The following PDLIM5 variants were observed in gnomAD, a reference collection of about 807,000 sequenced individuals.
The protein encoded by PDLIM5 is PDZ and LIM domain 5.
PDLIM5 carries 34 observed loss-of-function variants against 64.2 expected under a neutral mutation model. The observed-to-expected ratio is 0.53, with a 90% confidence interval of 0.40 to 0.71. PDLIM5 has a LOEUF of 0.71. Ranked by LOEUF, PDLIM5 falls within the 30% of genes least tolerant of loss-of-function variation. PDLIM5 has a pLI of 0.00. For missense variants in PDLIM5, 683 were observed against 733.6 expected (o/e 0.93, Z 0.80); for synonymous variants, 253 against 269.1 (o/e 0.94, Z 0.59).
chr4:94,479,066 A>ATT (rs112486020), intron 2 of PDLIM5, among the ~76,000 whole-genome samples: 13 of 144,196 alleles, frequency 9.0e-5, no homozygotes, highest in Middle Eastern at 3.3e-3. Context: ...GGGCTGGATA[A>ATT]TTTTTTTTTT....
At chr4:94,557,857 G>T (rs1733487841) in intron 3 of PDLIM5, among the ~76,000 whole-genome samples, 1 of 152,118 alleles carries the variant, frequency 6.6e-6, no homozygotes, top group South Asian at 2.1e-4. Context: ...TGCAAACAGG[G>T]ACAATTTGAC....
intron 4 of PDLIM5, chr4:94,573,822 T>C (rs1432321146): frequency 5.9e-6 from 1 of 170,086 alleles, no homozygotes; most frequent in Non-Finnish European, 1.3e-5. Flanking sequence ...TCTTCTTGCA[T>C]ATATGTCTTC....
intron 2 of PDLIM5, among the ~76,000 whole-genome samples, chr4:94,466,593 A>T (rs1560633779): frequency 6.6e-6 from 1 of 152,128 alleles, no homozygotes; most frequent in Non-Finnish European, 1.5e-5. Context: ...TTTATTATAG[A>T]GCTTTTGTTA....
At chr4:94,612,497 C>G (rs1298994307) in intron 7 of PDLIM5, among the ~76,000 whole-genome samples, 1 of 152,114 alleles carries the variant, frequency 6.6e-6, no homozygotes, top group African/African-American at 2.4e-5. Flanking sequence ...CTTTTAGGAC[C>G]CGGTAAGAGC....
intron 3 of PDLIM5, among the ~76,000 whole-genome samples, chr4:94,524,640 G>A (rs766520): frequency 0.35 from 53,578 of 151,590 alleles, 9,650 homozygotes; most frequent in Non-Finnish European, 0.39. Context: ...CTGGCCTCAA[G>A]TTATAAAATA....
chr4:94,660,968 C>T (rs1013155615), intron 11 of PDLIM5, among the ~76,000 whole-genome samples: 1 of 151,878 alleles, frequency 6.6e-6, no homozygotes, highest in African/African-American at 2.4e-5. Context: ...CCTGTAATCC[C>T]AACTGCTCGG....
intron 8 of PDLIM5, among the ~76,000 whole-genome samples, chr4:94,626,614 C>T (rs544955181): frequency 1.3e-5 from 2 of 152,190 alleles, no homozygotes; most frequent in African/African-American, 4.8e-5. Flanking sequence ...ATTTTCTTTG[C>T]ATCTAAACTC....
At chr4:94,648,199 C>T (rs1407311466) in intron 9 of PDLIM5, among the ~76,000 whole-genome samples, 5 of 151,610 alleles carry the variant, frequency 3.3e-5, no homozygotes, top group Non-Finnish European at 7.4e-5. Flanking sequence ...TAAAAAAAAT[C>T]AATGAAACCA....
At chr4:94,626,509 A>G (rs1739708910) in intron 8 of PDLIM5, among the ~76,000 whole-genome samples, 1 of 152,130 alleles carries the variant, frequency 6.6e-6, no homozygotes, top group Admixed American at 6.5e-5. Flanking sequence ...TTTAAGGAGG[A>G]CTGTATCTGT....
At chr4:94,639,463 A>G (rs78057097) in intron 8 of PDLIM5, among the ~76,000 whole-genome samples, 4 of 152,254 alleles carry the variant, frequency 2.6e-5, no homozygotes, top group African/African-American at 9.6e-5. Flanking sequence ...TATTATAGGA[A>G]TGGGGAAGAG....
chr4:94,602,028 C>T (rs1005509088), intron 7 of PDLIM5, among the ~76,000 whole-genome samples: 1 of 152,144 alleles, frequency 6.6e-6, no homozygotes, highest in African/African-American at 2.4e-5. Flanking sequence ...CTAGCTATGA[C>T]TCTGATATAT....
In PDLIM5 at chr4:94,590,149, C is replaced by T. The variant is rs578068534; in HGVS notation, c.920+3705C>T. Among the ~76,000 whole-genome samples the T allele has an allele frequency of 1.6e-4, 25 of 152,222 alleles. No homozygotes were observed. The South Asian group carries it at 4.1e-3, about 25-fold the overall frequency. Reference sequence around the variant, plus strand: ...ACATGGTCCAATGTATTTTTGTTACCTCAAAAATTACAGTATTTGTGGAAA... The same window carrying T: ...ACATGGTCCAATGTATTTTTGTTACTTCAAAAATTACAGTATTTGTGGAAA... On this transcript the variant is annotated intron_variant, in intron 7 of 12. Transcript: ENST00000317968.
chr4:94,585,051 AT>A, intron 5 of PDLIM5: 1 of 963,584 alleles, frequency 1.0e-6, no homozygotes, highest in Non-Finnish European at 1.6e-6. Flanking sequence ...TTATATTAAC[AT>A]TATAAGTGCA....
chr4:94,612,346 G>C (rs564693718), intron 7 of PDLIM5, among the ~76,000 whole-genome samples: 3 of 152,282 alleles, frequency 2.0e-5, no homozygotes, highest in African/African-American at 7.2e-5. Context: ...TCTAAGAGAA[G>C]ACAATACCTG....
chr4:94,482,692 C>T (rs1409952129), intron 2 of PDLIM5, among the ~76,000 whole-genome samples: 1 of 151,988 alleles, frequency 6.6e-6, no homozygotes, highest in East Asian at 1.9e-4. Flanking sequence ...AGTTTGAGAC[C>T]AGCCTGAGCA....
intron 10 of PDLIM5, 95 bp from the exon 11 acceptor site, chr4:94,657,332 G>A (rs1395206417): frequency 1.2e-6 from 1 of 840,420 alleles, no homozygotes; most frequent in Non-Finnish European, 1.9e-6. Flanking sequence ...CTTTGGATTA[G>A]CTCTACAGGG....
At chr4:94,663,613 A>G (rs1742907956) in intron 12 of PDLIM5, among the ~76,000 whole-genome samples, 1 of 152,180 alleles carries the variant, frequency 6.6e-6, no homozygotes. Context: ...GAGTCTCTAC[A>G]ACACAAAGCA....
chr4:94,602,401 A>T (rs1737575228), intron 7 of PDLIM5, among the ~76,000 whole-genome samples: 1 of 152,168 alleles, frequency 6.6e-6, no homozygotes, highest in Admixed American at 6.5e-5. Flanking sequence ...AATCTGGATG[A>T]CCCAAATTAA....
intron 2 of PDLIM5, among the ~76,000 whole-genome samples, chr4:94,476,943 T>C (rs1400116041): frequency 6.6e-6 from 1 of 152,228 alleles, no homozygotes; most frequent in Non-Finnish European, 1.5e-5. Flanking sequence ...ACTTGGAACA[T>C]TATCTGGCAG....
Sources: allele counts gnomAD v4.1 joint callset (sites outside exome capture counted in the v4.1 genomes callset), GRCh38; gene constraint gnomAD v4.1.1; transcripts MANE v1.5; gene names NCBI Gene and HGNC (gene_info 2026-07-23, HGNC 2026-07-21).